NAV1: variants seen among roughly 807,000 people sequenced by gnomAD.
NAV1 encodes neuron navigator 1, also known as pore membrane and/or filament interacting like protein 3.
Under a neutral mutation model 175.2 loss-of-function variants are expected in NAV1, and 18 were observed. The ratio of observed to expected loss-of-function variants is 0.10; its 90% confidence interval spans 0.07 to 0.15. The LOEUF is 0.15. NAV1 is among the 10% of genes least tolerant of loss of function. The probability of loss-of-function intolerance (pLI) is 1.00; values close to 1 mark genes in which losing one functional copy is unlikely to be tolerated. For synonymous variants in NAV1, 897 were observed against 978.7 expected, an observed-to-expected ratio of 0.92 and a Z score of 1.56; for missense variants, 1,731 against 2,436.6, an observed-to-expected ratio of 0.71 and a Z score of 6.10.
chr1:201,808,280 A>G lies in NAV1; in HGVS notation c.3845+131A>G. 3 of 1,387,808 alleles carry G rather than the reference A, an allele frequency of 2.2e-6. No homozygotes were observed. The highest frequency in any genetic ancestry group is 3.0e-6 in the Non-Finnish European group (3 of 1,016,306). The allele number at this position is 1,387,808 out of a possible 1,614,324, so 86.0% of individuals were successfully genotyped here. On this transcript the variant is annotated intron_variant, in intron 18 of 29. Transcript: ENST00000367296. The surrounding 1 kb of genome is among the most constrained non-coding windows in gnomAD (Gnocchi z 5.5). The stretch of plus-strand genomic sequence containing the variant: ...ACCTCTCCCTGGGCATATGAGACCA[A>G]CAGATGGACCTTTCTTCTCATGCTG...
At chr1:201,592,833 A>G (rs1667239354) in intron 2 of NAV1, among the ~76,000 whole-genome samples, 1 of 152,144 alleles carries the variant, frequency 6.6e-6, no homozygotes, top group Non-Finnish European at 1.5e-5. Flanking sequence ...TTTACCTCCC[A>G]GCTCAGAGCC....
intron 1 of NAV1, among the ~76,000 whole-genome samples, chr1:201,627,030 C>T (rs933652894): frequency 7.2e-5 from 11 of 152,232 alleles, no homozygotes; most frequent in African/African-American, 2.7e-4. Flanking sequence ...TAACCTCACC[C>T]ACTCTTGCAT....
intron 20 of NAV1, 146 bp from the exon 25 acceptor site, chr1:201,809,018 T>C (rs1472171228): frequency 1.0e-5 from 13 of 1,272,668 alleles, no homozygotes; most frequent in African/African-American, 1.5e-5. Context: ...GTTGTAATGG[T>C]CCTTCAACCT....
rs570013848 is a variant in NAV1, at chr1:201,624,635, C to T, written c.-101+1029C>T. Among the ~76,000 whole-genome samples, 29 of 151,862 alleles carry T rather than the reference C, an allele frequency of 1.9e-4. 1 individual carries two copies. The South Asian group carries it at 5.4e-3, about 28-fold the overall frequency. ...TGCTGGGATTACAGGCGTGAGCCACCGCACCCAGCAAACTATGCTTTTTTT... is the reference window on the plus strand; with the variant it reads ...TGCTGGGATTACAGGCGTGAGCCACTGCACCCAGCAAACTATGCTTTTTTT... On this transcript the variant is annotated intron_variant, in intron 1 of 29. Transcript: ENST00000367302.
chr1:201,790,950 A>G (rs1677076747), intron 13 of NAV1, 184 bp downstream of exon 17: 1 of 611,824 alleles, frequency 1.6e-6, no homozygotes, highest in Non-Finnish European at 2.9e-6. Context: ...CTGAGCCTCA[A>G]CTTTTATGAA....
chr1:201,581,196 G>C (rs749061444), intron 1 of NAV1, among the ~76,000 whole-genome samples: 3 of 152,176 alleles, frequency 2.0e-5, no homozygotes, highest in Non-Finnish European at 4.4e-5. Flanking sequence ...AGAGACCAGC[G>C]AGCAGGTTTT....
Position 201,808,880 on chromosome 1 carries a change from G to A in NAV1, c.4207+9G>A, listed in dbSNP as rs748923862. On this transcript the variant is annotated intron_variant, in intron 20 of 29. Transcript: ENST00000367296. This position sits in a 1 kb window ranked among gnomAD's most constrained non-coding sequence, Gnocchi z 5.5. ...CAGTCTTGCAGACACAGGTACCTGT[G>A]TGGGAGAAGAATCTATAAGGGTGAA... 3 of 1,607,880 alleles carry A rather than the reference G, an allele frequency of 1.9e-6. No individual in the cohort carries two copies. Among genetic ancestry groups the A allele is most frequent in the Admixed American group, 1.7e-5 (1 of 59,552 alleles).
rs1669580435 is a variant in NAV1, at chr1:201,660,808, T to G, written c.757+11383T>G. Among the ~76,000 whole-genome samples, 3 of 152,240 alleles carry G rather than the reference T, an allele frequency of 2.0e-5. 1 individual carries two copies. The South Asian group carries it at 6.2e-4, about 32-fold the overall frequency. On this transcript the variant is annotated intron_variant, in intron 1 of 29. Coordinates refer to ENST00000367296, the Ensembl canonical transcript of NAV1. ...TGACAACCCTCACAGGTTTCAGAGC[T>G]GGAGGAGTCCTGGGGGCCCCCTGTT... is the stretch of plus-strand genomic sequence containing the variant.
rs146418692 is a variant in NAV1 at position 201,576,375 on chromosome 1, T to C, written c.-143-12164T>C. On this transcript the variant is annotated intron_variant, in intron 1 of 33. Coordinates refer to the NAV1 transcript ENST00000685211. ...TGTTGCTGAGTAATATTCTATGATA[T>C]GGATGTACCATAGTTTGTTTAATCA... 5.3e-3 allele frequency among the ~76,000 whole-genome samples: 809 copies of C among 152,366 alleles called. 14 individuals are homozygous for C. The highest frequency in any genetic ancestry group is 0.019 in the African/African-American group (773 of 41,592).
upstream of NAV1, among the ~76,000 whole-genome samples, chr1:201,620,453 C>CTTTTTT (rs71861939): frequency 3.5e-3 from 333 of 94,524 alleles, 35 homozygotes; most frequent in East Asian, 0.032. Flanking sequence ...GACATATACT[C>CTTTTTT]TTTTTTTTTT....
chr1:201,641,069 G>T (rs958461618), intron 2 of NAV1, among the ~76,000 whole-genome samples: 4 of 152,212 alleles, frequency 2.6e-5, no homozygotes, highest in Admixed American at 6.5e-5. Context: ...CCGGGGAGAA[G>T]AGAGGACTCT....
chr1:201,804,519 C>T lies in NAV1; in HGVS notation c.3648+22C>T, dbSNP rs576639307. 5.8e-6 allele frequency: 9 copies of T among 1,542,754 alleles called. No individual in the cohort carries two copies. In the Admixed American group the frequency reaches 6.0e-5, roughly 10 times the overall value. On this transcript the variant is annotated intron_variant, in intron 17 of 29. Coordinates refer to ENST00000367296, the Ensembl canonical transcript of NAV1. The stretch of plus-strand genomic sequence containing the variant: ...TGAGGTAAGAGACCCAGTTCCTATC[C>T]CCTTATTTTCTCTTTCCCTTTGCCA...
chr1:201,568,064 G>A (rs991786760), intron 1 of NAV1, among the ~76,000 whole-genome samples: 1 of 152,196 alleles, frequency 6.6e-6, no homozygotes, highest in African/African-American at 2.4e-5. Context: ...CGTAAGCATA[G>A]GCTGCCTGGG....
Position 201,785,221 on chromosome 1 carries a change from T to C in NAV1, c.2805-89T>C, listed in dbSNP as rs574763779. ...GTCCTGCGTCTAGGGTCTGCATACCTCACACCAATGGTCCTAAACTCTAGT... is the reference window on the plus strand; with the variant it reads ...GTCCTGCGTCTAGGGTCTGCATACCCCACACCAATGGTCCTAAACTCTAGT... On this transcript the variant is annotated intron_variant, in intron 7 of 29. Transcript: ENST00000367296. 6 of 1,424,258 alleles carry C rather than the reference T, an allele frequency of 4.2e-6. No individual in the cohort carries two copies. In the African/African-American group the frequency reaches 7.2e-5, roughly 17 times the overall value. The allele number at this position is 1,424,258 out of a possible 1,614,324, so 88.2% of individuals were successfully genotyped here.
Position 201,689,894 on chromosome 1 carries a change from G to A in NAV1, c.758-22923G>A, listed in dbSNP as rs554358011. 3.3e-5 allele frequency among the ~76,000 whole-genome samples: 5 copies of A among 151,972 alleles called. No individual in the cohort carries two copies. In the South Asian group the frequency reaches 8.3e-4, roughly 25 times the overall value. ...TCCTCCATGGCCTGTCTGTGGCAGA[G>A]TGCTGGCTATTTCCTCCGTGGCCTG... is the stretch of plus-strand genomic sequence containing the variant. On this transcript the variant is annotated intron_variant, in intron 1 of 29. Transcript: ENST00000367296.
At chr1:201,756,791 ATTCTCTTTCTTTCTTTCCTTCTTTCT>A (rs1674486727) in intron 3 of NAV1, among the ~76,000 whole-genome samples, 1 of 147,858 alleles carries the variant, frequency 6.8e-6, no homozygotes, top group Non-Finnish European at 1.5e-5. Flanking sequence ...CTAATGAGCA[ATTCTCTTTCTTTCTTTCCTTCTTTCT>A]TTCTTTCTTT....
intron 3 of NAV1, among the ~76,000 whole-genome samples, chr1:201,739,062 G>A (rs535501575): frequency 4.6e-5 from 7 of 152,130 alleles, no homozygotes; most frequent in African/African-American, 1.2e-4. Flanking sequence ...GGACCCTCAG[G>A]GGGGAGGAAC....
At chr1:201,686,394 C>T (rs563758544) in intron 1 of NAV1, among the ~76,000 whole-genome samples, 2 of 152,260 alleles carry the variant, frequency 1.3e-5, no homozygotes, top group African/African-American at 4.8e-5. Flanking sequence ...TTTCTTTAGT[C>T]AAGGTGTTTG....
At chr1:201,623,538 C>T (rs752353209) in exon 1 of NAV1, 225 of 986,166 alleles carry the variant, frequency 2.3e-4, no homozygotes, top group Non-Finnish European at 2.6e-4. Context: ...CTCCGGGGGC[C>T]ATTAGCTTCT....
Sources: gnomAD v4.1 joint callset for allele counts (sites outside exome capture counted in the v4.1 genomes callset) on GRCh38, gnomAD v4.1.1 for gene constraint, Gnocchi (gnomAD v3.1) non-coding constraint, MANE v1.5 for transcripts, NCBI Gene and HGNC (gene_info 2026-07-23, HGNC 2026-07-21) for gene names.